Variants in UBA7 observed in about 807,000 individuals in gnomAD.
UBA7 encodes the protein ubiquitin-like modifier-activating enzyme 7.
A neutral mutation model predicts 113.0 loss-of-function variants in UBA7; 88 were observed. The ratio of observed to expected loss-of-function variants is 0.78; its 90% CI spans 0.66 to 0.93. UBA7 has a LOEUF of 0.93. Among genes scored for constraint, UBA7 ranks in the 40% least tolerant of loss-of-function variants. UBA7 has a pLI of 0.00. For synonymous variants in UBA7, 459 were observed against 513.0 expected (o/e 0.89, Z 1.42); for missense variants, 1,092 against 1,266.4 (o/e 0.86, Z 2.09).
At position 49,813,859 on chromosome 3, in the gene UBA7, T is replaced by C. The variant is rs1328264095; in HGVS notation, c.-72A>G. 1.9e-6 allele frequency: 3 copies of C among 1,559,702 alleles called. No individual in the cohort carries two copies. The highest frequency in any genetic ancestry group is 1.4e-5 in the African/African-American group (1 of 73,358). On this transcript the variant is annotated 5_prime_UTR_variant, in exon 1 of 24. Transcript: ENST00000333486. The stretch of plus-strand genomic sequence containing the variant: ...GTCTTTGTGTAGGTGGCGGTGACAG[T>C]AGGGGCCAGTGCCCTGCTGTAGCCA...
rs750709731 is a variant in UBA7, at chr3:49,807,812, G to T, written c.2639C>A (p.Ala880Asp). 27 of 1,614,134 alleles carry T rather than the reference G, an allele frequency of 1.7e-5. No individual in the cohort carries two copies. In the South Asian group the frequency reaches 2.9e-4, roughly 17 times the overall value. ...KVVSGPRPRS[A>D]FRHSYLHLAE... ...CAGATGTAGGTAGCTGTGGCGAAAG[G>T]CACTACGAGGCCGTGGCCCACTCAC... The change falls in exon 21 of 24, where the codon GCC becomes GAC. Residue 880 changes from alanine (A) to aspartate (D), a missense_variant. Coordinates refer to ENST00000333486, the MANE Select transcript of UBA7 (RefSeq NM_003335.3). This position sits in a 1 kb window ranked among gnomAD's most constrained non-coding sequence, Gnocchi z 4.0.
chr3:49,805,326 A>C lies in UBA7; in HGVS notation c.3021T>G (p.Pro1007=). Residue 1007 remains proline, a synonymous_variant, in exon 24 of 24, where the codon CCT becomes CCG. Coordinates refer to ENST00000333486, the MANE Select transcript of UBA7 (RefSeq NM_003335.3). Reference sequence around the variant, plus strand: ...TGCCTTGTCACAGCTCATAGTGCAGAGGTGGGAAGGCAGTGTCCTCGTCGT... The same window carrying C: ...TGCCTTGTCACAGCTCATAGTGCAGCGGTGGGAAGGCAGTGTCCTCGTCGT... The part of the protein sequence containing the change: ...EGDDEDTAFP[P]LHYEL 11 of 1,613,860 alleles carry C rather than the reference A, an allele frequency of 6.8e-6. No homozygotes were observed. Among genetic ancestry groups the C allele is most frequent in the Non-Finnish European group, 9.3e-6 (11 of 1,179,988 alleles).
At position 49,808,128 on chromosome 3, in the gene UBA7, C is replaced by A; in HGVS notation, c.2431-16G>T. On this transcript the variant is annotated splice_polypyrimidine_tract_variant and intron_variant, in intron 19 of 23. Transcript: ENST00000333486. ...TGTCATCATCCTGTAAGGCCCAAGT[C>A]AAAGTAGTGTTAACACTGCAGCTGT... 1 of 1,613,182 alleles carries A rather than the reference C, an allele frequency of 6.2e-7. No homozygotes were observed. The highest frequency in any genetic ancestry group is 1.1e-5 in the South Asian group (1 of 90,852).
At chr3:49,812,573 G>A in intron 5 of UBA7, 30 bp from the exon 6 acceptor site, 1 of 1,614,098 alleles carries the variant, frequency 6.2e-7, no homozygotes, top group Non-Finnish European at 8.5e-7. Flanking sequence ...GCTCAGGGTT[G>A]CCTGGACCTG....
Position 49,807,940 on chromosome 3 carries a change from A to G in UBA7, c.2524-13T>C. On this transcript the variant is annotated splice_polypyrimidine_tract_variant and intron_variant, in intron 20 of 23. Coordinates refer to ENST00000333486, the MANE Select transcript of UBA7 (RefSeq NM_003335.3). The surrounding 1 kb of genome is among the most constrained non-coding windows in gnomAD (Gnocchi z 4.0). ...CAATTCGCTTGCTCTGCCAAGGACA[A>G]GAGATTTGGTCTGGGCCCAAGGCGT... The G allele has an allele frequency of 6.2e-7, 1 of 1,612,946 alleles. No homozygotes were observed. The highest frequency in any genetic ancestry group is 8.5e-7 in the Non-Finnish European group (1 of 1,179,032).
Position 49,807,739 on chromosome 3 carries a change from C to T in UBA7, c.2712G>A (p.Gln904=), listed in dbSNP as rs375121069. The T allele has an allele frequency of 6.2e-7, 1 of 1,605,278 alleles. No homozygotes were observed. Among genetic ancestry groups the T allele is most frequent in the Non-Finnish European group, 8.5e-7 (1 of 1,175,310 alleles). ...IRYMPFAPAI[Q]TFHHLKWTSW... ...GGGTGGGGTATCATGGGCTCACCGT[C>T]TGGATGGCTGGGGCAAAAGGCATAT... The change falls in exon 21 of 24, where the codon CAG becomes CAA. Residue 904 remains glutamine (Q), a synonymous_variant. Transcript: ENST00000333486. The surrounding 1 kb of genome is among the most constrained non-coding windows in gnomAD (Gnocchi z 4.0).
chr3:49,812,004 T>G lies in UBA7; in HGVS notation c.805A>C (p.Thr269Pro), dbSNP rs1241887955. 1 of 1,614,200 alleles carries G rather than the reference T, an allele frequency of 6.2e-7. No homozygotes were observed. Among genetic ancestry groups the G allele is most frequent in the Non-Finnish European group, 8.5e-7 (1 of 1,180,028 alleles). The change falls in exon 8 of 24, where the codon ACA becomes CCA. Residue 269 changes from threonine (T) to proline (P), a missense_variant. Transcript: ENST00000333486. ...ACCACATGGGGCTGGAGCAGGGCTG[T>G]GTCCAGGGACTTCTGCAAGGGCACC... is the stretch of plus-strand genomic sequence containing the variant. The part of the protein sequence containing the change: ...PKTVRHKSLD[T>P]ALLQPHVVAQ...
chr3:49,808,056 A>T lies in UBA7; in HGVS notation c.2487T>A (p.Cys829Ter), dbSNP rs1377266599. 1 of 1,614,126 alleles carries T rather than the reference A, an allele frequency of 6.2e-7. No individual in the cohort carries two copies. Among genetic ancestry groups the T allele is most frequent in the Non-Finnish European group, 8.5e-7 (1 of 1,180,008 alleles). The change falls in exon 20 of 24, where the codon TGT becomes TGA. Residue 829 changes from cysteine to a stop codon, truncating the protein, a stop_gained. Coordinates refer to ENST00000333486, the MANE Select transcript of UBA7 (RefSeq NM_003335.3). LOFTEE classifies it high-confidence loss of function. ...TGACCGGTGGAATCCCGTAGTTCTG[A>T]CATCTCAGGCTAGCTGCCGCTACCA... The part of the protein sequence containing the change: ...DFVVAAASLR[C>*]QNYGIPPVNR...
rs1181920627 is a variant in UBA7, at chr3:49,812,489, C to G, written c.613G>C (p.Asp205His). The G allele has an allele frequency of 6.2e-7, 1 of 1,614,102 alleles. No individual in the cohort carries two copies. The highest frequency in any genetic ancestry group is 1.7e-5 in the Admixed American group (1 of 60,010). ...RKGANTHYFR[D>H]GDLVTFSGIE... ...CCCGAGAAAGTCACCAAGTCTCCAT[C>G]ACGGAAGTAGTGGGTATTGGCCCCT... Residue 205 changes from aspartate to histidine, a missense_variant, in exon 6 of 24, where the codon GAT becomes CAT. By Grantham distance (81) the Asp-to-His change is moderately conservative. Around this residue, in one of 3 missense-constraint regions of UBA7, gnomAD observed 584 missense variants for 714.5 expected, o/e 0.82. Coordinates refer to ENST00000333486, the MANE Select transcript of UBA7 (RefSeq NM_003335.3).
intron 4 of UBA7, 73 bp from the exon 5 acceptor site, chr3:49,812,811 G>T: frequency 6.6e-7 from 1 of 1,510,574 alleles, no homozygotes; most frequent in Non-Finnish European, 9.1e-7. Context: ...CTAGGGCAGG[G>T]CCAGAGGGCC....
Position 49,809,694 on chromosome 3 carries a change from G to T in UBA7, c.1936C>A (p.Pro646Thr). The change falls in exon 16 of 24, where the codon CCA (proline) becomes ACA (threonine). Residue 646 changes from proline to threonine, a missense_variant. Pro to Thr is a conservative substitution (Grantham distance 38). This residue lies in a region of UBA7 where 500 missense variants were observed against 529.3 expected (regional missense o/e 0.94). Coordinates refer to ENST00000333486, the MANE Select transcript of UBA7 (RefSeq NM_003335.3). ...GGCTTCAGTAAGGTGAGTGTCTGTGGCTCATCCATGTCTGCCAGGGAAGTG... is the reference window on the plus strand; with the variant it reads ...GGCTTCAGTAAGGTGAGTGTCTGTGTCTCATCCATGTCTGCCAGGGAAGTG... ...AHTSLADMDE[P>T]QTLTLLKPVL... 1.2e-6 allele frequency: 2 copies of T among 1,614,116 alleles called. No individual in the cohort carries two copies. The highest frequency in any genetic ancestry group is 1.1e-5 in the South Asian group (1 of 91,090).
At position 49,810,368 on chromosome 3, in the gene UBA7, T is replaced by C; in HGVS notation, c.1528A>G (p.Ile510Val). ...ARGLNPDLQVIPLTYPLDPTT... is the reference protein window; with the variant it reads ...ARGLNPDLQVVPLTYPLDPTT... The stretch of plus-strand genomic sequence containing the variant: ...GGATCCAGTGGGTAGGTGAGCGGGA[T>C]CACCTGTAAGTCTGGGTTCAGGCCC... The change falls in exon 13 of 24, where the codon ATC (isoleucine) becomes GTC (valine). Residue 510 changes from isoleucine to valine, a missense_variant. Physicochemically the swap from Ile to Val is conservative, Grantham distance 29 (BLOSUM62 3). Around this residue, in one of 3 missense-constraint regions of UBA7, gnomAD observed 584 missense variants for 714.5 expected, o/e 0.82. Transcript: ENST00000333486. This position sits in a 1 kb window ranked among gnomAD's most constrained non-coding sequence, Gnocchi z 5.6. The C allele has an allele frequency of 6.2e-7, 1 of 1,614,118 alleles. No individual in the cohort carries two copies. Among genetic ancestry groups the C allele is most frequent in the Non-Finnish European group, 8.5e-7 (1 of 1,180,018 alleles).
chr3:49,808,394 A>G lies in UBA7; in HGVS notation c.2422T>C (p.Phe808Leu). The G allele has an allele frequency of 6.2e-7, 1 of 1,614,112 alleles. No homozygotes were observed. Among genetic ancestry groups the G allele is most frequent in the South Asian group, 1.1e-5 (1 of 91,078 alleles). Reference protein sequence around the residue: ...SVGPPLKPLMFEKDDDSNFHV... With the variant: ...SVGPPLKPLMLEKDDDSNFHV... ...GCCACTTGGGCACCCACCTTCTCAA[A>G]CATCAGAGGCTTCAGGGGAGGGCCC... Residue 808 changes from phenylalanine to leucine, a missense_variant, in exon 19 of 24, where the codon TTT (phenylalanine) becomes CTT (leucine). Coordinates refer to ENST00000333486, the MANE Select transcript of UBA7 (RefSeq NM_003335.3).
chr3:49,807,945 T>C lies in UBA7; in HGVS notation c.2524-18A>G. On this transcript the variant is annotated intron_variant, in intron 20 of 23. Transcript: ENST00000333486. The surrounding 1 kb of genome is among the most constrained non-coding windows in gnomAD (Gnocchi z 4.0). ...CGCTTGCTCTGCCAAGGACAAGAGA[T>C]TTGGTCTGGGCCCAAGGCGTAGGGC... 1 of 1,613,058 alleles carries C rather than the reference T, an allele frequency of 6.2e-7. No homozygotes were observed. The highest frequency in any genetic ancestry group is 8.5e-7 in the Non-Finnish European group (1 of 1,179,120).
Position 49,809,713 on chromosome 3 carries a change from G to A in UBA7, c.1917C>T (p.Ser639=), listed in dbSNP as rs1265262165. 19 of 1,614,142 alleles carry A rather than the reference G, an allele frequency of 1.2e-5. No individual in the cohort carries two copies. Among genetic ancestry groups the A allele is most frequent in the Non-Finnish European group, 1.5e-5 (18 of 1,180,046 alleles). ...TCTGTGGCTCATCCATGTCTGCCAGGGAAGTGTGTGCCCTGCAGAGAGAGG... is the reference window on the plus strand; with the variant it reads ...TCTGTGGCTCATCCATGTCTGCCAGAGAAGTGTGTGCCCTGCAGAGAGAGG... ...TINHHQQAHT[S]LADMDEPQTL... is the part of the protein sequence containing the mutation. The change falls in exon 16 of 24, where the codon TCC becomes TCT. Residue 639 remains serine (S), a synonymous_variant. Transcript: ENST00000333486.
rs1208547135 is a variant in UBA7 at position 49,805,932 on chromosome 3, C to T, written c.2874G>A (p.Trp958Ter). 1.3e-6 allele frequency: 2 copies of T among 1,560,234 alleles called. No individual in the cohort carries two copies. Among genetic ancestry groups the T allele is most frequent in the East Asian group, 2.4e-5 (1 of 41,568 alleles). The part of the protein sequence containing the change: ...HGSALLYAAG[W>*]SPEKQAQHLP... ...GGTGCTGGGCCTGCTTTTCAGGTGA[C>T]CATCCGGCCGCATAGAGCAGGGCTG... The change falls in exon 23 of 24, where the codon TGG becomes TGA. Residue 958 changes from tryptophan to a stop codon, truncating the protein, a stop_gained. Transcript: ENST00000333486. LOFTEE classifies it low-confidence loss of function (END_TRUNC).
intron 21 of UBA7, among the ~76,000 whole-genome samples, chr3:49,806,709 C>T (rs929256749): frequency 2.6e-5 from 4 of 151,980 alleles, no homozygotes; most frequent in African/African-American, 9.7e-5. Context: ...GTTCTGGGAC[C>T]TAGAGCTAAG....
chr3:49,806,457 A>G (rs770713638), intron 21 of UBA7, among the ~76,000 whole-genome samples: 2 of 152,146 alleles, frequency 1.3e-5, no homozygotes, highest in Non-Finnish European at 2.9e-5. Flanking sequence ...GAGGAAACCC[A>G]GAGCAGGGCC....
At chr3:49,806,335 G>T (rs1024484357) in intron 21 of UBA7, 170 bp from the exon 22 acceptor site, 4 of 629,540 alleles carry the variant, frequency 6.4e-6, no homozygotes, top group Non-Finnish European at 1.1e-5. Context: ...CCCCCTCCCC[G>T]TCCAGGCCGG....
Sources: allele counts gnomAD v4.1 joint callset (sites outside exome capture counted in the v4.1 genomes callset), GRCh38; gene constraint gnomAD v4.1.1; regional missense constraint gnomAD v4.1.1; non-coding constraint Gnocchi (gnomAD v3.1); transcripts MANE v1.5; gene names NCBI Gene and HGNC (gene_info 2026-07-23, HGNC 2026-07-21).